Variants in POFUT3 observed in about 807,000 individuals in gnomAD.
POFUT3 encodes the protein GDP-fucose protein O-fucosyltransferase 3.
the POFUT3 span, chr8:33,452,687 AACACACAC>A: frequency 0.032 from 4,746 of 148,440 alleles, 160 homozygotes; most frequent in African/African-American, 0.086. Flanking sequence ...TTGTTACACA[AACACACAC>A]ACACACACAC....
At chr8:33,467,547 C>T in the POFUT3 span, among the ~76,000 whole-genome samples, 2 of 152,228 alleles carry the variant, frequency 1.3e-5, no homozygotes, top group South Asian at 4.1e-4. Context: ...TGGACTCTCA[C>T]TCACCAATCC....
the POFUT3 span, among the ~76,000 whole-genome samples, chr8:33,418,454 C>T: frequency 6.7e-6 from 1 of 148,974 alleles, no homozygotes; most frequent in Non-Finnish European, 1.5e-5. Context: ...AGGCACGCAC[C>T]ACCACGCCCA....
chr8:33,441,431 A>C, the POFUT3 span, among the ~76,000 whole-genome samples: 2 of 120,670 alleles, frequency 1.7e-5, no homozygotes, highest in Non-Finnish European at 3.2e-5. Flanking sequence ...ACCAGGCTGG[A>C]GTGCAATGGT....
chr8:33,397,812 C>T, the POFUT3 span, among the ~76,000 whole-genome samples: 3 of 152,278 alleles, frequency 2.0e-5, no homozygotes, highest in Admixed American at 6.5e-5. Flanking sequence ...TGCTCTCAAC[C>T]TCCTGAGCTC....
the POFUT3 span, among the ~76,000 whole-genome samples, chr8:33,386,997 C>T: frequency 1.0e-3 from 156 of 152,244 alleles, no homozygotes; most frequent in African/African-American, 3.4e-3. Flanking sequence ...CTCAGAAATT[C>T]TGTTTTCTAC....
the POFUT3 span, among the ~76,000 whole-genome samples, chr8:33,421,076 T>C: frequency 1.3e-5 from 2 of 152,004 alleles, no homozygotes; most frequent in African/African-American, 2.4e-5. Flanking sequence ...GAAATGTTAA[T>C]ACTATTTAAT....
chr8:33,455,861 G>A, the POFUT3 span: 6 of 453,886 alleles, frequency 1.3e-5, no homozygotes, highest in East Asian at 1.4e-4. Flanking sequence ...GGGAGGGCCC[G>A]TGACTTTCAT....
chr8:33,375,340 A>G, the POFUT3 span, among the ~76,000 whole-genome samples: 5 of 152,232 alleles, frequency 3.3e-5, no homozygotes, highest in Admixed American at 2.0e-4. Context: ...AAAAAAGAAA[A>G]GAAAGAAAAT....
chr8:33,459,366 C>T, the POFUT3 span, among the ~76,000 whole-genome samples: 3 of 151,936 alleles, frequency 2.0e-5, no homozygotes, highest in South Asian at 4.2e-4. Context: ...GGAAGCCAGG[C>T]GCAGTGGCTC....
At chr8:33,372,339 A>G in the POFUT3 span, 2 of 1,277,524 alleles carry the variant, frequency 1.6e-6, no homozygotes, top group Non-Finnish European at 2.0e-6. Context: ...AGACACGGAC[A>G]TGGAAGATAA....
At chr8:33,329,775 T>C in the POFUT3 span, among the ~76,000 whole-genome samples, 2 of 152,246 alleles carry the variant, frequency 1.3e-5, no homozygotes, top group African/African-American at 4.8e-5. Flanking sequence ...CTGTGGGATT[T>C]TGATATTTCT....
At chr8:33,365,547 T>C in the POFUT3 span, among the ~76,000 whole-genome samples, 1 of 151,800 alleles carries the variant, frequency 6.6e-6, no homozygotes, top group Admixed American at 6.6e-5. Context: ...TATAAAGAAC[T>C]CAAACAAATT....
At chr8:33,382,045 C>T in the POFUT3 span, among the ~76,000 whole-genome samples, 1 of 152,160 alleles carries the variant, frequency 6.6e-6, no homozygotes, top group African/African-American at 2.4e-5. Context: ...GCAATCCTAG[C>T]ACTTTGGGAG....
chr8:33,436,388 C>T, the POFUT3 span: 8 of 1,405,252 alleles, frequency 5.7e-6, no homozygotes, highest in South Asian at 4.7e-5. Context: ...ATTCAACGAC[C>T]GTCTGGACCA....
At chr8:33,368,994 A>C in the POFUT3 span, among the ~76,000 whole-genome samples, 2 of 152,200 alleles carry the variant, frequency 1.3e-5, no homozygotes, top group African/African-American at 4.8e-5. Context: ...TCCTATCAGC[A>C]ATGGCGCCTA....
chr8:33,388,751 G>C, the POFUT3 span: 1 of 579,294 alleles, frequency 1.7e-6, no homozygotes, highest in African/African-American at 1.9e-5. Context: ...GAGAATGAAG[G>C]CTTTCAGGAA....
the POFUT3 span, among the ~76,000 whole-genome samples, chr8:33,343,452 C>A: frequency 6.6e-5 from 10 of 152,214 alleles, no homozygotes; most frequent in African/African-American, 2.4e-4. Flanking sequence ...GATAGACAAG[C>A]TTAATATTGG....
At chr8:33,444,533 C>T in the POFUT3 span, among the ~76,000 whole-genome samples, 12,386 of 151,990 alleles carry the variant, frequency 0.081, 649 homozygotes, top group African/African-American at 0.15. Context: ...AAATAATTAT[C>T]TGGGCCGGGC....
the POFUT3 span, chr8:33,436,771 A>G: frequency 1.1e-5 from 6 of 537,692 alleles, no homozygotes; most frequent in East Asian, 2.0e-4. Flanking sequence ...ACAAAACGCT[A>G]AAATAGCGGC....
Sources: allele counts gnomAD v4.1 joint callset (sites outside exome capture counted in the v4.1 genomes callset), GRCh38; gene constraint gnomAD v4.1.1; transcripts MANE v1.5; gene names NCBI Gene and HGNC (gene_info 2026-07-23, HGNC 2026-07-21).